Variants in PLEKHM2 observed in about 807,000 individuals in gnomAD.
The protein encoded by PLEKHM2 is pleckstrin homology domain-containing family M member 2.
In PLEKHM2, 77 loss-of-function variants were observed where a neutral mutation model predicts 116.3. The ratio of observed to expected loss-of-function variants is 0.66; its 90% CI spans 0.55 to 0.80. The LOEUF (loss-of-function observed/expected upper bound fraction) is 0.80, where lower values mean the gene tolerates loss of function less well. PLEKHM2 is among the 30% of genes least tolerant of loss of function. The pLI is 0.00. For missense variants in PLEKHM2, 1,183 were observed against 1,354.9 expected (o/e 0.87, Z 1.99); for synonymous variants, 562 against 571.0 (o/e 0.98, Z 0.22).
chr1:15,729,889 T>C lies in PLEKHM2; in HGVS notation c.2168T>C (p.Leu723Pro). The C allele has an allele frequency of 6.2e-7, 1 of 1,613,296 alleles. No homozygotes were observed. Among genetic ancestry groups the C allele is most frequent in the Non-Finnish European group, 8.5e-7 (1 of 1,179,782 alleles). Residue 723 changes from leucine (L) to proline (P), a missense_variant, in exon 14 of 20, where the codon CTG (leucine) becomes CCG (proline). Leu to Pro is a moderately conservative substitution (Grantham distance 98). This residue lies in a region of PLEKHM2 where 594 missense variants were observed against 720.1 expected (regional missense o/e 0.82). Coordinates refer to ENST00000375799, the MANE Select transcript of PLEKHM2 (RefSeq NM_015164.4). The surrounding 1 kb of genome is among the most constrained non-coding windows in gnomAD (Gnocchi z 4.7). ...CTGACGGATGCCACCATGGAGAAGC[T>C]GGCACTGGCCAAATTTGTGGCCCAA... ...SILTDATMEK[L>P]ALAKFVAQES...
rs192885364 is a variant in PLEKHM2 at position 15,726,416 on chromosome 1, C to T, written c.942-598C>T. On this transcript the variant is annotated intron_variant, in intron 8 of 19. Coordinates refer to ENST00000375799, the MANE Select transcript of PLEKHM2 (RefSeq NM_015164.4). ...ACTGCCCAGGCTTGCTGGCCTGAGG[C>T]GGGGGATTGCTCCCCAGTGACTGGA... Among the ~76,000 whole-genome samples, 399 of 152,252 alleles carry T rather than the reference C, an allele frequency of 2.6e-3. 2 individuals are homozygous for T. The highest frequency in any genetic ancestry group is 8.7e-3 in the African/African-American group (361 of 41,544).
upstream of PLEKHM2, among the ~76,000 whole-genome samples, chr1:15,683,565 G>C (rs1640690656): frequency 6.6e-6 from 1 of 150,412 alleles, no homozygotes; most frequent in Non-Finnish European, 1.5e-5. Flanking sequence ...TGGGGCCTGT[G>C]GGAGTCTCTG....
At chr1:15,724,194 G>A (rs2068030715) in intron 7 of PLEKHM2, among the ~76,000 whole-genome samples, 1 of 152,186 alleles carries the variant, frequency 6.6e-6, no homozygotes, top group Non-Finnish European at 1.5e-5. Context: ...TGAATGAAAT[G>A]GAGTTCTCGG....
chr1:15,698,521 T>C (rs1370464140), intron 1 of PLEKHM2, among the ~76,000 whole-genome samples: 1 of 150,224 alleles, frequency 6.7e-6, no homozygotes, highest in Non-Finnish European at 1.5e-5. Context: ...ATTTTTGTTT[T>C]TCTTTCTTTT....
chr1:15,705,526 G>A (rs1342616791), intron 1 of PLEKHM2, among the ~76,000 whole-genome samples: 1 of 152,078 alleles, frequency 6.6e-6, no homozygotes, highest in African/African-American at 2.4e-5. Context: ...TGCCAGAGCT[G>A]AACTCCACCT....
At chr1:15,711,344 G>T (rs564385321) in intron 1 of PLEKHM2, among the ~76,000 whole-genome samples, 1 of 151,564 alleles carries the variant, frequency 6.6e-6, no homozygotes, top group African/African-American at 2.4e-5. Flanking sequence ...GGCCAACCGT[G>T]GTGGCTCATG....
chr1:15,685,735 T>C (rs1455209403), intron 1 of PLEKHM2, among the ~76,000 whole-genome samples: 1 of 152,172 alleles, frequency 6.6e-6, no homozygotes, highest in Non-Finnish European at 1.5e-5. Flanking sequence ...ATTTTACCTT[T>C]CATAAAGATA....
At chr1:15,709,632 C>T (rs1557649268) in intron 1 of PLEKHM2, among the ~76,000 whole-genome samples, 1 of 152,122 alleles carries the variant, frequency 6.6e-6, no homozygotes, top group Admixed American at 6.6e-5. Context: ...CACTTTGGAC[C>T]CGGGTTTCCT....
At chr1:15,702,234 G>A (rs1342198928) in intron 1 of PLEKHM2, among the ~76,000 whole-genome samples, 5 of 152,172 alleles carry the variant, frequency 3.3e-5, no homozygotes, top group Non-Finnish European at 7.3e-5. Flanking sequence ...CACCCACCTT[G>A]TACCTACAGC....
At chr1:15,718,109 T>C (rs1290304090) in intron 4 of PLEKHM2, 117 bp downstream of exon 4, 3 of 703,644 alleles carry the variant, frequency 4.3e-6, no homozygotes, top group South Asian at 3.4e-5. Context: ...CAGAGAGCCA[T>C]TAGAACCTTG....
chr1:15,725,922 G>A (rs2068058689), intron 8 of PLEKHM2: 1 of 246,502 alleles, frequency 4.1e-6, no homozygotes, highest in African/African-American at 2.2e-5. Flanking sequence ...TCCCTTTTAT[G>A]AGGGTGCTGA....
chr1:15,730,413 G>A, intron 14 of PLEKHM2, 119 bp from the exon 15 acceptor site: 1 of 783,520 alleles, frequency 1.3e-6, no homozygotes, highest in South Asian at 1.9e-5. Context: ...CTGCAGTCCA[G>A]CCTGGGCGAC....
Position 15,728,630 on chromosome 1 carries a change from G to C in PLEKHM2, c.1922-39G>C. ...AATGGGGCAGGGGGAGGGAAAAGAGGCCTGTGGGGATAATAGGCCTTGGGG... is the reference window on the plus strand; with the variant it reads ...AATGGGGCAGGGGGAGGGAAAAGAGCCCTGTGGGGATAATAGGCCTTGGGG... On this transcript the variant is annotated intron_variant, in intron 11 of 19. Coordinates refer to ENST00000375799, the MANE Select transcript of PLEKHM2 (RefSeq NM_015164.4). This position sits in a 1 kb window ranked among gnomAD's most constrained non-coding sequence, Gnocchi z 5.9. The C allele has an allele frequency of 6.4e-7, 1 of 1,556,964 alleles. No individual in the cohort carries two copies. The highest frequency in any genetic ancestry group is 8.8e-7 in the Non-Finnish European group (1 of 1,138,714).
chr1:15,681,985 G>A (rs1399578039), upstream of PLEKHM2, among the ~76,000 whole-genome samples: 1 of 151,754 alleles, frequency 6.6e-6, no homozygotes, highest in Non-Finnish European at 1.5e-5. Flanking sequence ...TAAGAGGATG[G>A]CCTGAGCTCA....
chr1:15,728,959 A>G lies in PLEKHM2; in HGVS notation c.1987-143A>G. On this transcript the variant is annotated intron_variant, in intron 12 of 19. Transcript: ENST00000375799. This position sits in a 1 kb window ranked among gnomAD's most constrained non-coding sequence, Gnocchi z 5.9. Reference sequence around the variant, plus strand: ...TGACCGTCCCTCCCTCACTCATGCCAGCCCCTGGCCTCTGGGGCTTTACTT... The same window carrying G: ...TGACCGTCCCTCCCTCACTCATGCCGGCCCCTGGCCTCTGGGGCTTTACTT... 1.2e-6 allele frequency: 1 copy of G among 825,540 alleles called. No individual in the cohort carries two copies. The highest frequency in any genetic ancestry group is 2.0e-6 in the Non-Finnish European group (1 of 508,068). 51.1% of individuals were successfully genotyped at this position (825,540 alleles called of 1,614,324 possible). A position where few individuals can be genotyped will look rare whatever the true frequency, so the allele number is the denominator to read the frequency against.
intron 7 of PLEKHM2, among the ~76,000 whole-genome samples, chr1:15,722,113 C>T (rs1231438707): frequency 2.0e-5 from 3 of 152,200 alleles, no homozygotes; most frequent in African/African-American, 4.8e-5. Context: ...AATCTGAGGC[C>T]ATAGCAGATC....
intron 1 of PLEKHM2, among the ~76,000 whole-genome samples, chr1:15,686,071 G>A (rs1640763466): frequency 6.6e-6 from 1 of 152,200 alleles, no homozygotes; most frequent in Admixed American, 6.5e-5. Context: ...GTCTGTGATG[G>A]AGAGGCAGTA....
Position 15,728,686 on chromosome 1 carries a change from T to C in PLEKHM2, c.1939T>C (p.Tyr647His). 1 of 1,611,698 alleles carries C rather than the reference T, an allele frequency of 6.2e-7. No individual in the cohort carries two copies. Among genetic ancestry groups the C allele is most frequent in the South Asian group, 1.1e-5 (1 of 90,504 alleles). The change falls in exon 12 of 20, where the codon TAC becomes CAC. Residue 647 changes from tyrosine (Y) to histidine (H), a missense_variant. Coordinates refer to ENST00000375799, the MANE Select transcript of PLEKHM2 (RefSeq NM_015164.4). The surrounding 1 kb of genome is among the most constrained non-coding windows in gnomAD (Gnocchi z 5.9). ...LLRKGATEKP[Y>H]LVEEAVSYNE... ...TCTCTCAGGGGCCACAGAGAAGCCATACCTGGTGGAAGAGGCCGTTTCTTA... is the reference window on the plus strand; with the variant it reads ...TCTCTCAGGGGCCACAGAGAAGCCACACCTGGTGGAAGAGGCCGTTTCTTA...
intron 1 of PLEKHM2, among the ~76,000 whole-genome samples, chr1:15,689,455 G>A (rs993173268): frequency 1.3e-5 from 2 of 152,156 alleles, no homozygotes; most frequent in Non-Finnish European, 2.9e-5. Context: ...GGTGCTTTCT[G>A]TGGAAGCCAT....
Sources: gnomAD v4.1 joint callset for allele counts (sites outside exome capture counted in the v4.1 genomes callset) on GRCh38, gnomAD v4.1.1 for gene constraint, gnomAD v4.1.1 regional missense constraint, Gnocchi (gnomAD v3.1) non-coding constraint, MANE v1.5 for transcripts, NCBI Gene and HGNC (gene_info 2026-07-23, HGNC 2026-07-21) for gene names.